Variants in PRDM16 observed in about 807,000 individuals in gnomAD.
PRDM16 encodes the protein histone-lysine N-methyltransferase PRDM16.
Under a neutral mutation model 110.6 loss-of-function variants are expected in PRDM16, and 23 were observed. That is an observed-to-expected ratio of 0.21 (90% CI 0.15 to 0.29). The LOEUF (loss-of-function observed/expected upper bound fraction) is 0.29. PRDM16 is among the 10% of genes least tolerant of loss of function. The pLI is 1.00. For synonymous variants in PRDM16, 799 were observed against 781.8 expected (o/e 1.02, Z -0.37); for missense variants, 1,615 against 1,794.3 (o/e 0.90, Z 1.81).
chr1:3,146,526 GGT>G (rs1211884650), intron 1 of PRDM16, among the ~76,000 whole-genome samples: 4 of 150,010 alleles, frequency 2.7e-5, no homozygotes, highest in Admixed American at 6.6e-5. Flanking sequence ...CTCGGTGTGG[GGT>G]GTGTGTGCAC....
At chr1:3,410,961 A>G (rs1643674871) in intron 8 of PRDM16, among the ~76,000 whole-genome samples, 1 of 152,190 alleles carries the variant, frequency 6.6e-6, no homozygotes, top group Non-Finnish European at 1.5e-5. Flanking sequence ...ATTCTCCAGC[A>G]AAGAAGGTGG....
intron 8 of PRDM16, among the ~76,000 whole-genome samples, chr1:3,405,909 A>AG (rs940324062): frequency 5.3e-5 from 8 of 151,908 alleles, no homozygotes; most frequent in Admixed American, 2.0e-4. Flanking sequence ...CAGGGGCTGG[A>AG]GGGGGGCAGT....
rs371358108 is a variant in PRDM16 at position 3,339,342 on chromosome 1, C to T, written c.439-45810C>T. On this transcript the variant is annotated intron_variant, in intron 3 of 16. Coordinates refer to ENST00000270722, the MANE Select transcript of PRDM16 (RefSeq NM_022114.4). This position sits in a 1 kb window ranked among gnomAD's most constrained non-coding sequence, Gnocchi z 5.0. ...CAGGGTGAGGCACAGGGTGGGCCTC[C>T]GCGCATCCGTGCCCGGAAGCAGGAA... Among the ~76,000 whole-genome samples, 42 of 152,188 alleles carry T rather than the reference C, an allele frequency of 2.8e-4. No individual in the cohort carries two copies. In the South Asian group the frequency reaches 4.2e-3, roughly 15 times the overall value.
intron 3 of PRDM16, among the ~76,000 whole-genome samples, chr1:3,320,520 A>G (rs1206862675): frequency 6.6e-6 from 1 of 152,132 alleles, no homozygotes; most frequent in African/African-American, 2.4e-5. Flanking sequence ...ATCATTTCCC[A>G]GGTGACCCAG....
intron 14 of PRDM16, among the ~76,000 whole-genome samples, chr1:3,427,752 G>T (rs1638651180): frequency 6.6e-6 from 1 of 152,124 alleles, no homozygotes; most frequent in Non-Finnish European, 1.5e-5. Context: ...GAAGGGGCGG[G>T]GGGAGAAGCT....
At chr1:3,215,888 C>T (rs955058091) in intron 2 of PRDM16, among the ~76,000 whole-genome samples, 30 of 152,244 alleles carry the variant, frequency 2.0e-4, no homozygotes, top group African/African-American at 7.0e-4. Context: ...CCATTGTTCC[C>T]GGGGCCGATT....
intron 14 of PRDM16, among the ~76,000 whole-genome samples, chr1:3,430,085 A>G (rs1638725891): frequency 6.6e-6 from 1 of 152,148 alleles, no homozygotes; most frequent in Non-Finnish European, 1.5e-5. Flanking sequence ...TATGTCCAGC[A>G]TGTGCCCGGG....
Position 3,109,018 on chromosome 1 carries a change from G to T in PRDM16, c.37+39722G>T, listed in dbSNP as rs1415927147. The stretch of plus-strand genomic sequence containing the variant: ...AATTGCTTGAACCTGGGAGGTGGAG[G>T]TTGCAGTGAGCCAAGATTGCACCAC... On this transcript the variant is annotated intron_variant, in intron 1 of 16. Transcript: ENST00000270722. Among the ~76,000 whole-genome samples the T allele has an allele frequency of 2.0e-5, 3 of 151,792 alleles. No individual in the cohort carries two copies. In the East Asian group the frequency reaches 5.8e-4, roughly 29 times the overall value.
intron 1 of PRDM16, among the ~76,000 whole-genome samples, chr1:3,137,563 C>T (rs1285589903): frequency 2.0e-5 from 3 of 152,232 alleles, no homozygotes; most frequent in Non-Finnish European, 4.4e-5. Context: ...CCCGAAGAAC[C>T]GTCCAGGAGG....
chr1:3,434,366 T>C lies in PRDM16; in HGVS notation c.*555T>C, dbSNP rs1427342456. 4.3e-6 allele frequency: 1 copy of C among 232,598 alleles called. No individual in the cohort carries two copies. Among genetic ancestry groups the C allele is most frequent in the Non-Finnish European group, 8.5e-6 (1 of 117,780 alleles). The allele number at this position is 232,598 out of a possible 1,614,324, so 14.4% of individuals were successfully genotyped here. On this transcript the variant is annotated 3_prime_UTR_variant, in exon 17 of 17. Coordinates refer to ENST00000270722, the MANE Select transcript of PRDM16 (RefSeq NM_022114.4). ...ATTGTTTTTTAAAAGTAATTTTGCATTGCTTTGAAATTTGAGCTCATTTGC... is the reference window on the plus strand; with the variant it reads ...ATTGTTTTTTAAAAGTAATTTTGCACTGCTTTGAAATTTGAGCTCATTTGC...
chr1:3,138,574 G>A (rs1643485349), intron 1 of PRDM16, among the ~76,000 whole-genome samples: 2 of 152,366 alleles, frequency 1.3e-5, no homozygotes, highest in Non-Finnish European at 2.9e-5. Flanking sequence ...ACTTGGAGGT[G>A]TTTGGGAGAG....
In PRDM16 at chr1:3,136,941, C is replaced by T. The variant is rs12060066; in HGVS notation, c.38-49184C>T. Among the ~76,000 whole-genome samples the T allele has an allele frequency of 9.1e-3, 1,390 of 152,326 alleles. 31 individuals carry two copies. Among genetic ancestry groups the T allele is most frequent in the African/African-American group, 0.031 (1,292 of 41,572 alleles). ...TAAACAGTGGACGCTTCTCCTGCTG[C>T]CCCTGGCTCTGGGCTGGAGAGAGGC... On this transcript the variant is annotated intron_variant, in intron 1 of 16. Coordinates refer to ENST00000270722, the MANE Select transcript of PRDM16 (RefSeq NM_022114.4).
chr1:3,338,996 C>A (rs2100508167), intron 3 of PRDM16, among the ~76,000 whole-genome samples: 1 of 152,328 alleles, frequency 6.6e-6, no homozygotes, highest in Non-Finnish European at 1.5e-5. Flanking sequence ...GACAGGCACC[C>A]CAGCAGCTGC....
chr1:3,344,652 G>A (rs1642329400), intron 3 of PRDM16, among the ~76,000 whole-genome samples: 1 of 152,176 alleles, frequency 6.6e-6, no homozygotes, highest in Admixed American at 6.5e-5. Flanking sequence ...GGATTCTGTT[G>A]TATTCCTCTG....
In PRDM16 at chr1:3,244,261, C is replaced by A; in HGVS notation, c.438+124C>A. 1 of 873,342 alleles carries A rather than the reference C, an allele frequency of 1.1e-6. No individual in the cohort carries two copies. The highest frequency in any genetic ancestry group is 1.4e-5 in the South Asian group (1 of 70,660). The allele number at this position is 873,342 out of a possible 1,614,324, so 54.1% of individuals were successfully genotyped here. A position where few individuals can be genotyped will look rare whatever the true frequency, so the allele number is the denominator to read the frequency against. The stretch of plus-strand genomic sequence containing the variant: ...TAGTCGGAATGTTGCTGGCAGGCCC[C>A]GAGCAATGTGTTATCTGTGGACTGA... On this transcript the variant is annotated intron_variant, in intron 3 of 16. Transcript: ENST00000270722. The surrounding 1 kb of genome is among the most constrained non-coding windows in gnomAD (Gnocchi z 4.1).
chr1:3,277,130 A>T (rs1640604156), intron 3 of PRDM16, among the ~76,000 whole-genome samples: 1 of 152,118 alleles, frequency 6.6e-6, no homozygotes, highest in Non-Finnish European at 1.5e-5. Context: ...GTCTCTGCAC[A>T]ATGACCAGCA....
chr1:3,357,800 G>A (rs575451153), intron 3 of PRDM16, among the ~76,000 whole-genome samples: 2 of 152,248 alleles, frequency 1.3e-5, no homozygotes, highest in African/African-American at 4.8e-5. Context: ...ACCTCTGGGG[G>A]TGCTGCTGGC....
chr1:3,183,023 G>A (rs1644229217), intron 1 of PRDM16, among the ~76,000 whole-genome samples: 1 of 152,216 alleles, frequency 6.6e-6, no homozygotes, highest in African/African-American at 2.4e-5. Context: ...ATGAGATCAT[G>A]GCAAATCCCA....
At chr1:3,269,559 C>T (rs1640380430) in intron 3 of PRDM16, among the ~76,000 whole-genome samples, 1 of 142,454 alleles carries the variant, frequency 7.0e-6, no homozygotes, top group Admixed American at 7.0e-5. Flanking sequence ...GGAAGACAGT[C>T]CCAGAGGAGG....
Sources: gnomAD v4.1 joint callset for allele counts (sites outside exome capture counted in the v4.1 genomes callset) on GRCh38, gnomAD v4.1.1 for gene constraint, Gnocchi (gnomAD v3.1) non-coding constraint, MANE v1.5 for transcripts, NCBI Gene and HGNC (gene_info 2026-07-23, HGNC 2026-07-21) for gene names.